The following MYO15B variants were observed in gnomAD, a reference collection of about 807,000 sequenced individuals.
MYO15B encodes the protein myosin XVB pseudogene.
Under a neutral mutation model 119.3 loss-of-function variants are expected in MYO15B, and 207 were observed. The observed-to-expected ratio is 1.73, with a 90% CI of 1.55 to 1.95. The LOEUF is 1.95. Among genes scored for constraint, MYO15B ranks in the 30% most tolerant of loss-of-function variants. The probability of loss-of-function intolerance (pLI) is 0.00; values close to 1 mark genes in which losing one functional copy is unlikely to be tolerated. For missense variants in MYO15B, 2,264 were observed against 1,203.1 expected, an observed-to-expected ratio of 1.88 and a Z score of -13.04; for synonymous variants, 966 against 498.9, an observed-to-expected ratio of 1.94 and a Z score of -12.48.
intron 21 of MYO15B, 43 bp from the exon 22 acceptor site, chr17:75,610,123 G>A (rs1275100843): frequency 7.4e-6 from 5 of 675,952 alleles, no homozygotes; most frequent in Non-Finnish European, 1.4e-5. Flanking sequence ...GGAAGCATAA[G>A]TTTGGACTCT....
chr17:75,626,609 C>T (rs1425116419), exon 64 of MYO15B: 3 of 645,520 alleles, frequency 4.6e-6, no homozygotes, highest in Admixed American at 4.6e-5. Flanking sequence ...CCCAGCCGGC[C>T]CACATGCAGG....
In MYO15B at chr17:75,625,527, G is replaced by A. The variant is rs1391208448; in HGVS notation, c.8805G>A (p.Gly2935=). The A allele has an allele frequency of 5.7e-6, 4 of 703,120 alleles. No homozygotes were observed. The Admixed American group carries it at 8.0e-5, about 14-fold the overall frequency. 43.6% of individuals were successfully genotyped at this position (703,120 alleles called of 1,614,324 possible). Residue 2935 remains glycine, a splice_region_variant and synonymous_variant, in exon 61 of 64, where the codon GGG becomes GGA. Transcript: ENST00000645453. ...AACTGACCCTGGTCACACATCCTAG[G>A]CAGGACCTGCTAGCTTACGTGCCAA...
intron 2 of MYO15B, 97 bp downstream of exon 2, chr17:75,590,786 C>T (rs2056389520): frequency 5.2e-6 from 1 of 191,854 alleles, no homozygotes. Context: ...CTTCCTCTTC[C>T]TCCCCGGGCT....
rs1462498592 is a variant in MYO15B at position 75,620,237 on chromosome 17, T to C, written c.7444-9T>C. 5.7e-6 allele frequency: 4 copies of C among 702,298 alleles called. No homozygotes were observed. Among genetic ancestry groups the C allele is most frequent in the Non-Finnish European group, 1.0e-5 (4 of 384,928 alleles). The allele number at this position is 702,298 out of a possible 1,614,324, so 43.5% of individuals were successfully genotyped here. A position where few individuals can be genotyped will look rare whatever the true frequency, so the allele number is the denominator to read the frequency against. ...TTGCTGCTCCAGGCCCTCGCCTGCT[T>C]GCCCACAGGACTCCGGCTATGTCAT... On this transcript the variant is annotated splice_polypyrimidine_tract_variant and intron_variant, in intron 47 of 63. Coordinates refer to ENST00000645453, the Ensembl canonical transcript of MYO15B.
chr17:75,605,263 CTG>C (rs2057557958), intron 19 of MYO15B, among the ~76,000 whole-genome samples: 2 of 152,048 alleles, frequency 1.3e-5, no homozygotes, highest in Non-Finnish European at 1.5e-5. Flanking sequence ...CGGTGAAACC[CTG>C]TCTCTACTAA....
exon 47 of MYO15B, chr17:75,619,900 G>A (rs2058603631): frequency 1.4e-6 from 1 of 702,348 alleles, no homozygotes; most frequent in East Asian, 2.7e-5. Flanking sequence ...TGCTGGGTGT[G>A]GAGTGCCGGG....
At chr17:75,625,230 C>G (rs1431533087) in exon 60 of MYO15B, 19 of 699,820 alleles carry the variant, frequency 2.7e-5, no homozygotes, top group Admixed American at 6.0e-5. Flanking sequence ...ACAGGAATAC[C>G]CCCTCAGGGT....
At chr17:75,614,525 C>A in intron 30 of MYO15B, 58 bp from the exon 31 acceptor site, 1 of 691,590 alleles carries the variant, frequency 1.4e-6, no homozygotes. Flanking sequence ...ACCTCTTGCC[C>A]CAGCCTGGGT....
chr17:75,606,987 C>T, intron 21 of MYO15B: 5 of 398,522 alleles, frequency 1.3e-5, no homozygotes, highest in African/African-American at 2.1e-5. Context: ...CCTCATCTAC[C>T]CTTGGGCCAG....
At position 75,620,387 on chromosome 17, in the gene MYO15B, CAGG is replaced by C. The variant is rs1246383827; in HGVS notation, c.7555+31_7555+33del. ...CGCCAGAGGCCGGCAGGGGCTCACA[CAGG>C]GAGGGCATCCACTTGGCAGAGGCTG... On this transcript the variant is annotated intron_variant, in intron 48 of 63. Transcript: ENST00000645453. 5 of 702,756 alleles carry C rather than the reference CAGG, an allele frequency of 7.1e-6. No individual in the cohort carries two copies. In the African/African-American group the frequency reaches 8.7e-5, roughly 12 times the overall value. The allele number at this position is 702,756 out of a possible 1,614,324, so 43.5% of individuals were successfully genotyped here.
At chr17:75,614,802 G>A (rs542777119) in exon 32 of MYO15B, 92 of 702,810 alleles carry the variant, frequency 1.3e-4, no homozygotes, top group African/African-American at 9.9e-4. Flanking sequence ...GAGCCTGGAC[G>A]GCTTCCTGGA....
intron 35 of MYO15B, 46 bp from the exon 36 acceptor site, chr17:75,615,647 G>C (rs1203203136): frequency 7.7e-6 from 5 of 653,184 alleles, no homozygotes; most frequent in Non-Finnish European, 1.4e-5. Flanking sequence ...GGAGAGGTCT[G>C]TGGCTCGGGG....
Position 75,610,975 on chromosome 17 carries a change from A to T in MYO15B, c.4446+16A>T, listed in dbSNP as rs1264686865. 3 of 702,804 alleles carry T rather than the reference A, an allele frequency of 4.3e-6. No individual in the cohort carries two copies. Among genetic ancestry groups the T allele is most frequent in the Non-Finnish European group, 5.2e-6 (2 of 384,986 alleles). The allele number at this position is 702,804 out of a possible 1,614,324, so 43.5% of individuals were successfully genotyped here. ...GCCAAGCATGGTAGGTGGCCTGGAA[A>T]GTGGGGGGTTTTACATGGGGCTATG... is the stretch of plus-strand genomic sequence containing the variant. On this transcript the variant is annotated intron_variant, in intron 23 of 63. Transcript: ENST00000645453.
rs1349230617 is a variant in MYO15B at position 75,611,596 on chromosome 17, G to T, written c.4447-5G>T. Reference sequence around the variant, plus strand: ...GATCCTGGGTAAATGAGTCCCCTCTGCCAGGAGCTGGGGCGCTTGGAGATC... The same window carrying T: ...GATCCTGGGTAAATGAGTCCCCTCTTCCAGGAGCTGGGGCGCTTGGAGATC... On this transcript the variant is annotated splice_polypyrimidine_tract_variant and splice_region_variant and intron_variant, in intron 23 of 63. Coordinates refer to ENST00000645453, the Ensembl canonical transcript of MYO15B. The T allele has an allele frequency of 1.4e-6, 1 of 702,592 alleles. No individual in the cohort carries two copies. The highest frequency in any genetic ancestry group is 2.6e-6 in the Non-Finnish European group (1 of 384,984). 43.5% of individuals were successfully genotyped at this position (702,592 alleles called of 1,614,324 possible).
chr17:75,594,236 C>T (rs542190952), intron 9 of MYO15B, among the ~76,000 whole-genome samples: 1 of 152,256 alleles, frequency 6.6e-6, no homozygotes, highest in South Asian at 2.1e-4. Flanking sequence ...GCAGTGAGGC[C>T]GTGGGGCGCA....
intron 14 of MYO15B, among the ~76,000 whole-genome samples, chr17:75,599,209 T>C (rs2057080584): frequency 6.6e-6 from 1 of 151,994 alleles, no homozygotes. Flanking sequence ...TGAGTTACTG[T>C]GTGTGTTTGT....
Position 75,613,062 on chromosome 17 carries a change from C to A in MYO15B, c.4820C>A (p.Pro1607Gln), listed in dbSNP as rs1465999724. The A allele has an allele frequency of 7.1e-6, 5 of 702,126 alleles. No homozygotes were observed. The East Asian group carries it at 1.3e-4, about 19-fold the overall frequency. The allele number at this position is 702,126 out of a possible 1,614,324, so 43.5% of individuals were successfully genotyped here. The change falls in exon 27 of 64, where the codon CCA (proline) becomes CAA (glutamine). Residue 1607 changes from proline (P) to glutamine (Q), a missense_variant. Pro to Gln is a moderately conservative substitution (Grantham distance 76). Coordinates refer to ENST00000645453, the Ensembl canonical transcript of MYO15B. ...CTGGTGCGGCAGGGGCAGTGCCGGC[C>A]AGGGCTGCGGAATGAGCTCTTTAGC... is the stretch of plus-strand genomic sequence containing the variant.
intron 45 of MYO15B, 93 bp downstream of exon 45, chr17:75,619,569 A>G: frequency 1.5e-6 from 1 of 682,298 alleles, no homozygotes; most frequent in South Asian, 1.5e-5. Flanking sequence ...AGAGCCGGGG[A>G]GCAGACGCCA....
intron 21 of MYO15B, chr17:75,607,122 A>G: frequency 2.5e-6 from 1 of 394,246 alleles, no homozygotes; most frequent in Non-Finnish European, 4.5e-6. Context: ...GAATGAAGTG[A>G]AGACAGTGCA....
Sources: gnomAD v4.1 joint callset for allele counts (sites outside exome capture counted in the v4.1 genomes callset) on GRCh38, gnomAD v4.1.1 for gene constraint, MANE v1.5 for transcripts, NCBI Gene and HGNC (gene_info 2026-07-23, HGNC 2026-07-21) for gene names.